Variants in KCNT2 observed in about 807,000 individuals in gnomAD.
The protein encoded by KCNT2 is potassium channel subfamily T member 2.
KCNT2 carries 67 observed loss-of-function variants against 153.8 expected under a neutral mutation model. The observed-to-expected ratio is 0.44, with a 90% CI of 0.36 to 0.53. KCNT2 has a LOEUF of 0.53. Ranked by LOEUF, KCNT2 falls within the 20% of genes least tolerant of loss-of-function variation. The pLI is 0.00. For missense variants in KCNT2, 975 were observed against 1,354.8 expected (o/e 0.72, Z 4.40); for synonymous variants, 500 against 458.8 (o/e 1.09, Z -1.15).
intron 1 of KCNT2, among the ~76,000 whole-genome samples, chr1:196,502,949 G>T (rs1023553775): frequency 6.6e-6 from 1 of 151,782 alleles, no homozygotes; most frequent in Non-Finnish European, 1.5e-5. Context: ...CCCTCTTCAT[G>T]CCCCCTGCCC....
In KCNT2 at chr1:196,399,888, G is replaced by A. The variant is rs186412627; in HGVS notation, c.1186-1217C>T. 4.9e-4 allele frequency among the ~76,000 whole-genome samples: 74 copies of A among 151,868 alleles called. No individual in the cohort carries two copies. In the South Asian group the frequency reaches 6.6e-3, roughly 14 times the overall value. On this transcript the variant is annotated intron_variant, in intron 12 of 27. Coordinates refer to ENST00000294725, the MANE Select transcript of KCNT2 (RefSeq NM_198503.5). ...AAGAAGACAACAATCTAGGAACCAG[G>A]AAGCCAGTCTTTATCAGACATTGAG...
At chr1:196,596,365 C>A (rs1048398295) in intron 1 of KCNT2, among the ~76,000 whole-genome samples, 1 of 152,000 alleles carries the variant, frequency 6.6e-6, no homozygotes, top group Non-Finnish European at 1.5e-5. Context: ...AATGTGTTCC[C>A]TTTTCACCAC....
chr1:196,303,339 T>C (rs886304863), intron 22 of KCNT2, among the ~76,000 whole-genome samples: 5 of 152,152 alleles, frequency 3.3e-5, no homozygotes, highest in Admixed American at 2.6e-4. Context: ...GCTGCAAAAA[T>C]ATTAAGTTTT....
intron 1 of KCNT2, among the ~76,000 whole-genome samples, chr1:196,558,594 C>T (rs930289972): frequency 1.3e-5 from 2 of 151,222 alleles, no homozygotes; most frequent in Non-Finnish European, 3.0e-5. Context: ...GCCAGGAAAA[C>T]GAAACAAAAA....
At chr1:196,497,433 A>G (rs1007962943) in intron 1 of KCNT2, among the ~76,000 whole-genome samples, 18 of 152,248 alleles carry the variant, frequency 1.2e-4, no homozygotes, top group African/African-American at 4.3e-4. Flanking sequence ...AACTATTTAC[A>G]TAACTTTTAT....
chr1:196,589,414 A>C (rs1349678937), intron 1 of KCNT2, among the ~76,000 whole-genome samples: 1 of 152,078 alleles, frequency 6.6e-6, no homozygotes, highest in East Asian at 1.9e-4. Context: ...TGTTGGCATT[A>C]AATGTCAAAA....
At chr1:196,258,702 A>C (rs17696477) in intron 25 of KCNT2, 10,372 of 614,814 alleles carry the variant, frequency 0.017, 134 homozygotes, top group Non-Finnish European at 0.022. Flanking sequence ...AATCAGGCAA[A>C]ATAAATACCT....
rs116280119 is a variant in KCNT2 at position 196,538,590 on chromosome 1, G to T, written c.96-46249C>A. Among the ~76,000 whole-genome samples the T allele has an allele frequency of 8.2e-3, 1,254 of 152,202 alleles. 17 individuals are homozygous for T. Among genetic ancestry groups the T allele is most frequent in the African/African-American group, 0.028 (1,179 of 41,536 alleles). ...CTATGAATCAAGCATGAGCTCAGGT[G>T]GGTGATCACCTAATGCGCCTAACGT... On this transcript the variant is annotated intron_variant, in intron 1 of 27. Transcript: ENST00000294725.
chr1:196,288,214 T>C (rs897286521), intron 22 of KCNT2, among the ~76,000 whole-genome samples: 1 of 152,010 alleles, frequency 6.6e-6, no homozygotes, highest in Non-Finnish European at 1.5e-5. Flanking sequence ...AGTTTAAGTA[T>C]ATGGGTTGAA....
At position 196,375,266 on chromosome 1, in the gene KCNT2, ATG is replaced by A. The variant is rs556078819; in HGVS notation, c.1295-2020_1295-2019del. Among the ~76,000 whole-genome samples the A allele has an allele frequency of 1.8e-4, 28 of 151,904 alleles. No individual in the cohort carries two copies. The South Asian group carries it at 5.4e-3, about 29-fold the overall frequency. ...TTTCGATAGTCATTTTTGTATTTGC[ATG>A]TGTCTTTTTTCTACATTTGGTAAAA... On this transcript the variant is annotated intron_variant, in intron 13 of 27. Coordinates refer to ENST00000294725, the MANE Select transcript of KCNT2 (RefSeq NM_198503.5).
intron 26 of KCNT2, among the ~76,000 whole-genome samples, chr1:196,236,387 AC>A (rs1184912286): frequency 6.6e-6 from 1 of 151,568 alleles, no homozygotes; most frequent in Non-Finnish European, 1.5e-5. Context: ...TAAGATGTTT[AC>A]TTGATTATTA....
intron 13 of KCNT2, among the ~76,000 whole-genome samples, chr1:196,386,852 G>C (rs1205213348): frequency 6.6e-6 from 1 of 151,954 alleles, no homozygotes; most frequent in East Asian, 1.9e-4. Context: ...AATGAAAGTG[G>C]CTTTATGAAA....
chr1:196,559,025 A>G (rs1320410931), intron 1 of KCNT2, among the ~76,000 whole-genome samples: 2 of 151,436 alleles, frequency 1.3e-5, no homozygotes, highest in Non-Finnish European at 3.0e-5. Context: ...AATTTGTTTT[A>G]AAAGGTATGT....
intron 1 of KCNT2, among the ~76,000 whole-genome samples, chr1:196,580,068 T>C (rs746459734): frequency 6.6e-6 from 1 of 152,172 alleles, no homozygotes; most frequent in Non-Finnish European, 1.5e-5. Context: ...CTCAAAACTT[T>C]TCCTCCTGAA....
intron 1 of KCNT2, among the ~76,000 whole-genome samples, chr1:196,541,730 G>C (rs926083122): frequency 6.6e-6 from 1 of 151,992 alleles, no homozygotes; most frequent in African/African-American, 2.4e-5. Flanking sequence ...AAAAGACTCA[G>C]TTTTTGATTG....
intron 5 of KCNT2, among the ~76,000 whole-genome samples, chr1:196,473,398 G>T (rs879273041): frequency 1.3e-5 from 2 of 152,132 alleles, no homozygotes; most frequent in Non-Finnish European, 2.9e-5. Flanking sequence ...TTTCAGGATT[G>T]CATGCTCTAC....
intron 22 of KCNT2, among the ~76,000 whole-genome samples, chr1:196,296,770 A>G (rs1203063540): frequency 6.6e-6 from 1 of 152,062 alleles, no homozygotes; most frequent in Non-Finnish European, 1.5e-5. Flanking sequence ...TGTGAAGTCA[A>G]GGGTTCCTAT....
intron 1 of KCNT2, among the ~76,000 whole-genome samples, chr1:196,555,990 CA>C (rs910043871): frequency 1.5e-4 from 23 of 151,420 alleles, no homozygotes; most frequent in African/African-American, 5.3e-4. Context: ...TCACCTTATA[CA>C]AAAATCAAAT....
intron 8 of KCNT2, among the ~76,000 whole-genome samples, chr1:196,431,932 G>A (rs1331519247): frequency 1.3e-5 from 2 of 152,100 alleles, no homozygotes; most frequent in Admixed American, 1.3e-4. Context: ...CAAGACAATG[G>A]AAGAATAATC....
Sources: gnomAD v4.1 joint callset for allele counts (sites outside exome capture counted in the v4.1 genomes callset) on GRCh38, gnomAD v4.1.1 for gene constraint, MANE v1.5 for transcripts, NCBI Gene and HGNC (gene_info 2026-07-23, HGNC 2026-07-21) for gene names.